F13A1: variants seen among roughly 807,000 people sequenced by gnomAD.
The protein encoded by F13A1 is coagulation factor XIII A chain.
F13A1 carries 47 observed loss-of-function variants against 80.1 expected under a neutral mutation model. That is an observed-to-expected ratio of 0.59 (90% CI 0.46 to 0.75). The LOEUF (loss-of-function observed/expected upper bound fraction) is 0.75, where lower values mean the gene tolerates loss of function less well. F13A1 is among the 30% of genes least tolerant of loss of function. F13A1 has a pLI of 0.00. For synonymous variants in F13A1, 349 were observed against 344.9 expected (o/e 1.01, Z -0.13); for missense variants, 817 against 930.4 (o/e 0.88, Z 1.59).
At position 6,253,921 on chromosome 6, in the gene F13A1, C is replaced by T. The variant is rs114714680; in HGVS notation, c.572-2992G>A. 9.9e-3 allele frequency among the ~76,000 whole-genome samples: 1,501 copies of T among 152,240 alleles called. 24 individuals carry two copies. Among genetic ancestry groups the T allele is most frequent in the African/African-American group, 0.034 (1,424 of 41,534 alleles). ...TAAGATCTCTTTATCCTACTATATA[C>T]AAACTGTATCCATAGATTTAAGAGG... On this transcript the variant is annotated intron_variant, in intron 4 of 14. Coordinates refer to ENST00000264870, the MANE Select transcript of F13A1 (RefSeq NM_000129.4).
At chr6:6,190,478 C>A (rs1352840739) in intron 10 of F13A1, among the ~76,000 whole-genome samples, 11 of 148,214 alleles carry the variant, frequency 7.4e-5, no homozygotes, top group African/African-American at 1.7e-4. Flanking sequence ...TTGGAATACC[C>A]TGCTGTGTAA....
At chr6:6,309,424 T>C (rs1304047014) in intron 2 of F13A1, among the ~76,000 whole-genome samples, 1 of 152,062 alleles carries the variant, frequency 6.6e-6, no homozygotes, top group Non-Finnish European at 1.5e-5. Context: ...GAGGAGTCAG[T>C]TGTCCATGTG....
chr6:6,186,627 C>T lies in F13A1; in HGVS notation c.1306-4486G>A, dbSNP rs577113030. On this transcript the variant is annotated intron_variant, in intron 10 of 14. Transcript: ENST00000264870. ...ACCATGCTGTTTTGGTGACCGTAGCCTTGTAGTATAGTTTGAAGTCAGGTA... is the reference window on the plus strand; with the variant it reads ...ACCATGCTGTTTTGGTGACCGTAGCTTTGTAGTATAGTTTGAAGTCAGGTA... 1.9e-4 allele frequency among the ~76,000 whole-genome samples: 29 copies of T among 152,276 alleles called. No individual in the cohort carries two copies. In the East Asian group the frequency reaches 5.0e-3, roughly 26 times the overall value.
intron 2 of F13A1, among the ~76,000 whole-genome samples, chr6:6,317,635 G>A (rs1441758434): frequency 6.6e-6 from 1 of 151,994 alleles, no homozygotes; most frequent in Non-Finnish European, 1.5e-5. Flanking sequence ...GGGCTTTCAG[G>A]CATTGGTCTC....
chr6:6,268,212 T>C (rs184579713), intron 3 of F13A1, among the ~76,000 whole-genome samples: 1 of 152,284 alleles, frequency 6.6e-6, no homozygotes, highest in Non-Finnish European at 1.5e-5. Flanking sequence ...AAACAGACAA[T>C]AACTTCTGTG....
At chr6:6,307,225 T>C (rs2113187192) in intron 2 of F13A1, among the ~76,000 whole-genome samples, 1 of 152,292 alleles carries the variant, frequency 6.6e-6, no homozygotes, top group East Asian at 1.9e-4. Context: ...CAGGGCGTGG[T>C]GCTCCCCGGG....
chr6:6,306,671 G>T (rs1583123876), intron 2 of F13A1, among the ~76,000 whole-genome samples: 1 of 152,348 alleles, frequency 6.6e-6, no homozygotes, highest in Middle Eastern at 3.4e-3. Flanking sequence ...GGTGGGGTGG[G>T]AGGGTAGAAG....
intron 6 of F13A1, among the ~76,000 whole-genome samples, chr6:6,235,379 T>A (rs1757401303): frequency 6.6e-6 from 1 of 151,958 alleles, no homozygotes; most frequent in African/African-American, 2.4e-5. Context: ...GTAAATCCTT[T>A]ATCTGATTAA....
intron 8 of F13A1, among the ~76,000 whole-genome samples, chr6:6,203,195 T>G (rs1257826288): frequency 6.6e-6 from 1 of 152,248 alleles, no homozygotes; most frequent in East Asian, 1.9e-4. Context: ...ATATTAGTGT[T>G]TCAAAATCAC....
chr6:6,228,841 A>G (rs1757312300), intron 6 of F13A1, among the ~76,000 whole-genome samples: 1 of 152,066 alleles, frequency 6.6e-6, no homozygotes, highest in Non-Finnish European at 1.5e-5. Flanking sequence ...TAAAAGAGGT[A>G]GAGATTCTGG....
In F13A1 at chr6:6,167,475, G is replaced by A. The variant is rs1478982047; in HGVS notation, c.1891C>T (p.Pro631Ser). 1 of 1,613,906 alleles carries A rather than the reference G, an allele frequency of 6.2e-7. No individual in the cohort carries two copies. Among genetic ancestry groups the A allele is most frequent in the Non-Finnish European group, 8.5e-7 (1 of 1,180,008 alleles). The change falls in exon 13 of 15, where the codon CCT becomes TCT. Residue 631 changes from proline (P) to serine (S), a missense_variant. Pro to Ser is a moderately conservative substitution (Grantham distance 74). Transcript: ENST00000264870. ...AKQKSTVLTI[P>S]EIIIKVRGTQ... The stretch of plus-strand genomic sequence containing the variant: ...AGACTGACCTTGATGATGATCTCAG[G>A]GATGGTTAGCACGGTGGACTTTTGC...
At chr6:6,312,892 C>T (rs1242183141) in intron 2 of F13A1, among the ~76,000 whole-genome samples, 1 of 151,814 alleles carries the variant, frequency 6.6e-6, no homozygotes, top group Non-Finnish European at 1.5e-5. Context: ...AGGTGAGGTC[C>T]CCAATACCAC....
chr6:6,185,770 A>G (rs1047924166), intron 10 of F13A1, among the ~76,000 whole-genome samples: 6 of 152,198 alleles, frequency 3.9e-5, no homozygotes, highest in Admixed American at 1.3e-4. Flanking sequence ...TGGTATTTCC[A>G]GTTCTAGATC....
chr6:6,184,181 A>T (rs1761037561), intron 10 of F13A1, among the ~76,000 whole-genome samples: 1 of 152,232 alleles, frequency 6.6e-6, no homozygotes, highest in Non-Finnish European at 1.5e-5. Context: ...CCTGTGAGGT[A>T]TATATTGTAA....
intron 10 of F13A1, among the ~76,000 whole-genome samples, chr6:6,189,689 A>G (rs563980901): frequency 1.2e-4 from 18 of 144,764 alleles, no homozygotes; most frequent in Admixed American, 1.1e-3. Flanking sequence ...GGTGAATCTG[A>G]CAATTATGTG....
chr6:6,207,556 G>T (rs773780074), intron 8 of F13A1, among the ~76,000 whole-genome samples: 1 of 152,212 alleles, frequency 6.6e-6, no homozygotes, highest in African/African-American at 2.4e-5. Flanking sequence ...ACAAACATGT[G>T]CAGGGCTGTG....
At chr6:6,234,910 A>C (rs1265671573) in intron 6 of F13A1, among the ~76,000 whole-genome samples, 2 of 152,074 alleles carry the variant, frequency 1.3e-5, no homozygotes, top group African/African-American at 4.8e-5. Context: ...CTTTCAAATT[A>C]AGTAGCATGA....
intron 12 of F13A1, 112 bp downstream of exon 12, chr6:6,174,468 A>G (rs1024114124): frequency 4.2e-5 from 50 of 1,181,692 alleles, no homozygotes; most frequent in Non-Finnish European, 6.0e-5. Flanking sequence ...CACACTTCTG[A>G]GATCTTGGAG....
chr6:6,265,886 G>A (rs77080251), intron 4 of F13A1, among the ~76,000 whole-genome samples: 1,805 of 152,260 alleles, frequency 0.012, 59 homozygotes, highest in East Asian at 0.11. Flanking sequence ...AGCCCAATTT[G>A]TTTACAGAGT....
Sources: allele counts gnomAD v4.1 joint callset (sites outside exome capture counted in the v4.1 genomes callset), GRCh38; gene constraint gnomAD v4.1.1; transcripts MANE v1.5; gene names NCBI Gene and HGNC (gene_info 2026-07-23, HGNC 2026-07-21).